Variants in DAAM1 observed in about 807,000 individuals in gnomAD.
DAAM1 encodes the protein dishevelled associated activator of morphogenesis 1.
Under a neutral mutation model 130.0 loss-of-function variants are expected in DAAM1, and 52 were observed. The ratio of observed to expected loss-of-function variants is 0.40; its 90% CI spans 0.32 to 0.50. The LOEUF (loss-of-function observed/expected upper bound fraction) is 0.50, where lower values mean the gene tolerates loss of function less well. DAAM1 is among the 20% of genes least tolerant of loss of function. The pLI is 0.61. For synonymous variants in DAAM1, 452 were observed against 444.5 expected, an observed-to-expected ratio of 1.02 and a Z score of -0.21; for missense variants, 1,134 against 1,303.8, an observed-to-expected ratio of 0.87 and a Z score of 2.01.
intron 3 of DAAM1, among the ~76,000 whole-genome samples, chr14:59,304,441 C>G (rs1236924638): frequency 6.6e-6 from 1 of 152,140 alleles, no homozygotes; most frequent in Non-Finnish European, 1.5e-5. Context: ...ACTTTAGGAA[C>G]CTGGTAACTT....
At chr14:59,286,607 T>C (rs985190791) in intron 2 of DAAM1, among the ~76,000 whole-genome samples, 1 of 152,022 alleles carries the variant, frequency 6.6e-6, no homozygotes, top group Non-Finnish European at 1.5e-5. Flanking sequence ...ACATTACAAC[T>C]GACCCCACGG....
chr14:59,264,495 C>T (rs1190303443), intron 2 of DAAM1: 1 of 152,120 alleles, frequency 6.6e-6, no homozygotes, highest in Non-Finnish European at 1.5e-5. Flanking sequence ...ACATCTTCTT[C>T]TAGGTTTGAT....
intron 1 of DAAM1, among the ~76,000 whole-genome samples, chr14:59,192,358 T>C (rs1341799243): frequency 2.0e-5 from 3 of 152,338 alleles, no homozygotes; most frequent in South Asian, 2.1e-4. Context: ...GAAAACACTT[T>C]AAAGTTGCAG....
At chr14:59,324,481 A>G in intron 8 of DAAM1, 27 bp downstream of exon 8, 1 of 1,475,978 alleles carries the variant, frequency 6.8e-7, no homozygotes. Flanking sequence ...TGATGTGAGA[A>G]AGTTTCTGTG....
intron 3 of DAAM1, among the ~76,000 whole-genome samples, chr14:59,309,240 A>G (rs1426610898): frequency 6.6e-6 from 1 of 152,170 alleles, no homozygotes; most frequent in Non-Finnish European, 1.5e-5. Context: ...GATTTAAAGG[A>G]CCTAATGATG....
intron 2 of DAAM1, among the ~76,000 whole-genome samples, chr14:59,279,044 T>C (rs1883098343): frequency 6.6e-6 from 1 of 152,236 alleles, no homozygotes; most frequent in South Asian, 2.1e-4. Flanking sequence ...CAAGCAGGCT[T>C]GATTTTTTTT....
intron 1 of DAAM1, among the ~76,000 whole-genome samples, chr14:59,201,400 A>G (rs550740083): frequency 6.6e-6 from 1 of 151,990 alleles, no homozygotes; most frequent in East Asian, 1.9e-4. Flanking sequence ...AGGTGGGTGG[A>G]CCACCTGAGG....
chr14:59,328,457 G>C (rs540247358), intron 12 of DAAM1, among the ~76,000 whole-genome samples: 49 of 152,296 alleles, frequency 3.2e-4, no homozygotes, highest in African/African-American at 1.0e-3. Flanking sequence ...AGAGCACTTA[G>C]GATGTAAGCT....
intron 1 of DAAM1, among the ~76,000 whole-genome samples, chr14:59,239,192 A>G (rs1011646901): frequency 1.8e-4 from 28 of 152,234 alleles, no homozygotes; most frequent in African/African-American, 6.5e-4. Context: ...AAGGTAATAT[A>G]CTATTATGCT....
At chr14:59,228,670 G>A (rs145971084) in intron 1 of DAAM1, among the ~76,000 whole-genome samples, 66 of 152,294 alleles carry the variant, frequency 4.3e-4, no homozygotes, top group African/African-American at 1.4e-3. Flanking sequence ...TGTGTGTTCT[G>A]TGCTTGATGG....
chr14:59,204,906 T>C (rs1888215305), intron 1 of DAAM1, among the ~76,000 whole-genome samples: 2 of 152,188 alleles, frequency 1.3e-5, no homozygotes, highest in Admixed American at 1.3e-4. Context: ...ATCATCAGAA[T>C]GAATGGCAAC....
intron 9 of DAAM1, 111 bp from the exon 10 acceptor site, chr14:59,325,849 A>G (rs897646019): frequency 5.7e-5 from 86 of 1,517,562 alleles, no homozygotes; most frequent in Non-Finnish European, 7.2e-5. Context: ...TCAAAGCTCT[A>G]TTTTGTTTCC....
intron 1 of DAAM1, among the ~76,000 whole-genome samples, chr14:59,216,287 T>A (rs1406012495): frequency 6.6e-6 from 1 of 152,204 alleles, no homozygotes; most frequent in Non-Finnish European, 1.5e-5. Context: ...TGTATTTCTG[T>A]CAAGTCAATA....
At chr14:59,276,825 A>T (rs1273628331) in intron 2 of DAAM1, among the ~76,000 whole-genome samples, 4 of 152,176 alleles carry the variant, frequency 2.6e-5, no homozygotes, top group Non-Finnish European at 5.9e-5. Context: ...TCACATACAA[A>T]TAGCGAGTTG....
intron 1 of DAAM1, among the ~76,000 whole-genome samples, chr14:59,214,442 A>C (rs1888516668): frequency 6.6e-6 from 1 of 152,226 alleles, no homozygotes; most frequent in Admixed American, 6.5e-5. Context: ...TTAACTGTGG[A>C]AAAGCCAGAT....
chr14:59,366,694 A>G (rs1377535584), intron 23 of DAAM1, among the ~76,000 whole-genome samples: 1 of 152,210 alleles, frequency 6.6e-6, no homozygotes, highest in Non-Finnish European at 1.5e-5. Flanking sequence ...TTACTTTAGA[A>G]ATGATTAATA....
chr14:59,205,456 A>G (rs949192399), intron 1 of DAAM1, among the ~76,000 whole-genome samples: 1 of 152,226 alleles, frequency 6.6e-6, no homozygotes, highest in Middle Eastern at 3.2e-3. Context: ...GAGATCTTTG[A>G]CCTGAGTGTG....
intron 17 of DAAM1, among the ~76,000 whole-genome samples, chr14:59,347,869 G>A (rs1450060927): frequency 6.6e-6 from 1 of 152,198 alleles, no homozygotes; most frequent in African/African-American, 2.4e-5. Flanking sequence ...CATCCCTCAA[G>A]CTGCAATTAA....
intron 1 of DAAM1, among the ~76,000 whole-genome samples, chr14:59,223,004 A>G (rs765526872): frequency 2.6e-5 from 4 of 152,224 alleles, no homozygotes; most frequent in Non-Finnish European, 5.9e-5. Flanking sequence ...TAATACTGCA[A>G]CTGTCCACTT....
Sources: gnomAD v4.1 joint callset for allele counts (sites outside exome capture counted in the v4.1 genomes callset) on GRCh38, gnomAD v4.1.1 for gene constraint, MANE v1.5 for transcripts, NCBI Gene and HGNC (gene_info 2026-07-23, HGNC 2026-07-21) for gene names.